VWC2: variants seen among roughly 807,000 people sequenced by gnomAD.
VWC2 encodes the protein brorin.
VWC2 carries 14 observed loss-of-function variants against 29.8 expected under a neutral mutation model. The observed-to-expected ratio is 0.47, with a 90% CI of 0.31 to 0.74. The LOEUF is 0.74. VWC2 is among the 30% of genes least tolerant of loss of function. The probability of loss-of-function intolerance (pLI) is 0.05; values close to 1 mark genes in which losing one functional copy is unlikely to be tolerated. For synonymous variants in VWC2, 213 were observed against 199.0 expected, an observed-to-expected ratio of 1.07 and a Z score of -0.59; for missense variants, 457 against 459.8, an observed-to-expected ratio of 0.99 and a Z score of 0.05.
intron 3 of VWC2, among the ~76,000 whole-genome samples, chr7:49,819,563 A>C (rs1789220608): frequency 6.6e-6 from 1 of 152,250 alleles, no homozygotes; most frequent in Admixed American, 6.5e-5. Flanking sequence ...GACCTGTTAC[A>C]AAAGGCAAGT....
At position 49,903,561 on chromosome 7, in the gene VWC2, T is replaced by C. The variant is rs554881062; in HGVS notation, c.827-8473T>C. Among the ~76,000 whole-genome samples, 10 of 152,290 alleles carry C rather than the reference T, an allele frequency of 6.6e-5. No individual in the cohort carries two copies. In the East Asian group the frequency reaches 1.9e-3, roughly 29 times the overall value. On this transcript the variant is annotated intron_variant, in intron 3 of 3. Transcript: ENST00000340652. ...AATAAAACAATAGATATGGAGAATA[T>C]TATCAGCCCTGAGGGGTTAAAGATG...
intron 3 of VWC2, among the ~76,000 whole-genome samples, chr7:49,902,665 A>T (rs1406752970): frequency 6.6e-6 from 1 of 152,062 alleles, no homozygotes; most frequent in East Asian, 1.9e-4. Context: ...ATTCTTATGA[A>T]ATAACAAGAA....
intron 2 of VWC2, among the ~76,000 whole-genome samples, chr7:49,779,858 T>C (rs980826158): frequency 1.3e-5 from 2 of 152,218 alleles, no homozygotes; most frequent in Non-Finnish European, 2.9e-5. Flanking sequence ...TGTTTTCTCA[T>C]GGTGTTCCCT....
intron 2 of VWC2, among the ~76,000 whole-genome samples, chr7:49,787,994 C>T (rs762141678): frequency 4.6e-5 from 7 of 152,156 alleles, no homozygotes; most frequent in Non-Finnish European, 7.3e-5. Context: ...GTGAGCACTG[C>T]TGTGTCTTCT....
At chr7:49,871,451 C>T (rs1053944191) in intron 3 of VWC2, among the ~76,000 whole-genome samples, 4 of 152,070 alleles carry the variant, frequency 2.6e-5, no homozygotes, top group Non-Finnish European at 5.9e-5. Flanking sequence ...ATACTGTATA[C>T]ATTCATGAGC....
intron 3 of VWC2, among the ~76,000 whole-genome samples, chr7:49,848,827 A>C (rs1442368017): frequency 6.6e-6 from 1 of 152,248 alleles, no homozygotes. Flanking sequence ...ACACTTTTAT[A>C]GTATAGTCAA....
At chr7:49,774,501 G>C (rs116607400) in intron 1 of VWC2, among the ~76,000 whole-genome samples, 1,629 of 152,358 alleles carry the variant, frequency 0.011, 22 homozygotes, top group African/African-American at 0.034. Context: ...GATCCAGCGA[G>C]TAGGAGGGTC....
chr7:49,788,734 G>A (rs1012843821), intron 2 of VWC2, among the ~76,000 whole-genome samples: 1 of 143,656 alleles, frequency 7.0e-6, no homozygotes, highest in African/African-American at 2.8e-5. Flanking sequence ...GGGTGTGTGT[G>A]GATGTGTGTG....
chr7:49,821,248 G>A (rs778360041), intron 3 of VWC2, among the ~76,000 whole-genome samples: 27 of 152,210 alleles, frequency 1.8e-4, no homozygotes, highest in South Asian at 6.2e-4. Flanking sequence ...GTTGGAGGCT[G>A]CAGTAAACTC....
At chr7:49,784,125 A>G (rs944749890) in intron 2 of VWC2, among the ~76,000 whole-genome samples, 2 of 152,226 alleles carry the variant, frequency 1.3e-5, no homozygotes, top group Non-Finnish European at 2.9e-5. Flanking sequence ...TGTTATTTGT[A>G]TAAATTGATG....
At chr7:49,780,084 C>T (rs1788142079) in intron 2 of VWC2, among the ~76,000 whole-genome samples, 4 of 152,196 alleles carry the variant, frequency 2.6e-5, no homozygotes, top group Admixed American at 2.6e-4. Context: ...CTTCCTAAAA[C>T]AGACCTAACG....
At chr7:49,819,196 G>T (rs748108765) in intron 3 of VWC2, among the ~76,000 whole-genome samples, 1 of 152,110 alleles carries the variant, frequency 6.6e-6, no homozygotes, top group Non-Finnish European at 1.5e-5. Context: ...ACCTGTTTTC[G>T]CTCTGTTGCT....
intron 3 of VWC2, among the ~76,000 whole-genome samples, chr7:49,892,685 T>C (rs1314857994): frequency 1.3e-5 from 2 of 152,254 alleles, no homozygotes; most frequent in Non-Finnish European, 2.9e-5. Flanking sequence ...GTGAGTTAGC[T>C]TGTGCAAGCC....
intron 3 of VWC2, among the ~76,000 whole-genome samples, chr7:49,866,828 A>C (rs1790912314): frequency 6.6e-6 from 1 of 152,140 alleles, no homozygotes; most frequent in Non-Finnish European, 1.5e-5. Context: ...TTGGATCTAC[A>C]TTTGCTTCCT....
intron 3 of VWC2, among the ~76,000 whole-genome samples, chr7:49,911,756 G>A (rs1162427250): frequency 6.6e-6 from 1 of 151,774 alleles, no homozygotes; most frequent in Non-Finnish European, 1.5e-5. Context: ...AACTAGCTGG[G>A]TATAGTGGCA....
intron 2 of VWC2, among the ~76,000 whole-genome samples, chr7:49,801,463 C>T (rs915049130): frequency 9.9e-5 from 15 of 152,208 alleles, no homozygotes; most frequent in African/African-American, 3.4e-4. Flanking sequence ...AAAATCACTC[C>T]ATTGGTGGTA....
chr7:49,833,952 C>T (rs1789597532), intron 3 of VWC2, among the ~76,000 whole-genome samples: 1 of 152,080 alleles, frequency 6.6e-6, no homozygotes, highest in Non-Finnish European at 1.5e-5. Flanking sequence ...TAAAAGCAAC[C>T]AAAGCAGATA....
At chr7:49,791,350 T>C (rs1381995059) in intron 2 of VWC2, among the ~76,000 whole-genome samples, 1 of 152,234 alleles carries the variant, frequency 6.6e-6, no homozygotes, top group East Asian at 1.9e-4. Flanking sequence ...GACTGCTTTG[T>C]CATTCATGCC....
At chr7:49,820,104 C>T (rs999181638) in intron 3 of VWC2, among the ~76,000 whole-genome samples, 3 of 152,136 alleles carry the variant, frequency 2.0e-5, no homozygotes, top group African/African-American at 7.2e-5. Context: ...GATTGACCCT[C>T]ACAACCTCCC....
Sources: allele counts gnomAD v4.1 joint callset (sites outside exome capture counted in the v4.1 genomes callset), GRCh38; gene constraint gnomAD v4.1.1; transcripts MANE v1.5; gene names NCBI Gene and HGNC (gene_info 2026-07-23, HGNC 2026-07-21).